Variants in PCDH15 observed in about 807,000 individuals in gnomAD.
PCDH15 encodes protocadherin related 15.
A neutral mutation model predicts 178.5 loss-of-function variants in PCDH15; 129 were observed. The observed-to-expected ratio is 0.72, with a 90% CI of 0.63 to 0.84. PCDH15 has a LOEUF of 0.84. Ranked by LOEUF, PCDH15 falls within the 40% of genes least tolerant of loss-of-function variation. PCDH15 has a pLI of 0.00. For missense variants in PCDH15, 2,230 were observed against 2,099.9 expected (o/e 1.06, Z -1.21); for synonymous variants, 800 against 732.0 (o/e 1.09, Z -1.50).
intron 1 of PCDH15, among the ~76,000 whole-genome samples, chr10:55,273,653 TC>T (rs1842508011): frequency 6.6e-6 from 1 of 152,076 alleles, no homozygotes; most frequent in South Asian, 2.1e-4. Flanking sequence ...GCTTGGGACA[TC>T]TACTCACTAT....
intron 2 of PCDH15, among the ~76,000 whole-genome samples, chr10:54,994,869 T>TAATTTATC (rs1312308636): frequency 6.6e-6 from 1 of 152,144 alleles, no homozygotes; most frequent in Non-Finnish European, 1.5e-5. Flanking sequence ...TTTCTACAGA[T>TAATTTATC]TATATGTGAT....
rs1341449470 is a variant in PCDH15, at chr10:55,072,814, A to G, written c.-80+93762T>C. 5.3e-5 allele frequency among the ~76,000 whole-genome samples: 8 copies of G among 151,982 alleles called. No homozygotes were observed. The East Asian group carries it at 1.6e-3, about 30-fold the overall frequency. Reference sequence around the variant, plus strand: ...CAACCAAAAAAGACAATTTTAGACCAATATCCTTGATGAACATTGATGCAA... The same window carrying G: ...CAACCAAAAAAGACAATTTTAGACCGATATCCTTGATGAACATTGATGCAA... On this transcript the variant is annotated intron_variant, in intron 2 of 5. Coordinates refer to the PCDH15 transcript ENST00000458638.
chr10:54,163,076 C>A (rs1564570753), intron 13 of PCDH15, among the ~76,000 whole-genome samples: 1 of 152,006 alleles, frequency 6.6e-6, no homozygotes, highest in Non-Finnish European at 1.5e-5. Context: ...TTCTCAAGGG[C>A]AATTATAAGG....
intron 3 of PCDH15, among the ~76,000 whole-genome samples, chr10:54,860,558 G>A (rs1953821419): frequency 6.6e-6 from 1 of 152,054 alleles, no homozygotes. Flanking sequence ...ACCTCTGATG[G>A]GCACCTGGAT....
intron 18 of PCDH15, among the ~76,000 whole-genome samples, chr10:54,031,617 G>A (rs76470181): frequency 0.027 from 4,156 of 152,052 alleles, 196 homozygotes; most frequent in African/African-American, 0.096. Flanking sequence ...GTTATTTAAC[G>A]CAAATGAACT....
intron 1 of PCDH15, among the ~76,000 whole-genome samples, chr10:55,190,208 C>G (rs1839909182): frequency 6.6e-6 from 1 of 151,256 alleles, no homozygotes; most frequent in South Asian, 2.1e-4. Context: ...TAATTTATGG[C>G]AATGACAGTC....
chr10:55,503,675 G>T (rs978401238), intron 2 of PCDH15, among the ~76,000 whole-genome samples: 22 of 151,232 alleles, frequency 1.5e-4, no homozygotes, highest in Admixed American at 1.4e-3. Flanking sequence ...CATATGAAAA[G>T]GTGCTCCATA....
chr10:55,135,574 C>CTTTTTTTTTTT (rs56956557), intron 2 of PCDH15, among the ~76,000 whole-genome samples: 8 of 68,234 alleles, frequency 1.2e-4, no homozygotes, highest in African/African-American at 3.9e-4. Flanking sequence ...TCTTTTCTTT[C>CTTTTTTTTTTT]TTTTTTTTTT....
intron 2 of PCDH15, among the ~76,000 whole-genome samples, chr10:55,102,912 G>T: frequency 6.6e-6 from 1 of 152,060 alleles, no homozygotes; most frequent in East Asian, 1.9e-4. Context: ...TTAATTAAGT[G>T]AAACTAGATC....
intron 13 of PCDH15, among the ~76,000 whole-genome samples, chr10:54,163,017 C>G (rs1027652670): frequency 6.7e-6 from 1 of 150,038 alleles, no homozygotes; most frequent in Non-Finnish European, 1.5e-5. Flanking sequence ...AGAAGGTGAA[C>G]AGTAAAGTTA....
intron 5 of PCDH15, among the ~76,000 whole-genome samples, chr10:54,367,225 T>A (rs1946942543): frequency 6.6e-6 from 1 of 152,058 alleles, no homozygotes; most frequent in South Asian, 2.1e-4. Context: ...TTTGAGAATG[T>A]TCAGAATACA....
intron 2 of PCDH15, among the ~76,000 whole-genome samples, chr10:54,556,716 C>T (rs1452623608): frequency 1.4e-5 from 2 of 147,696 alleles, no homozygotes; most frequent in East Asian, 4.0e-4. Context: ...AGAATGGCCA[C>T]TCCATAGAGA....
intron 1 of PCDH15, among the ~76,000 whole-genome samples, chr10:55,271,893 A>G (rs971176020): frequency 7.2e-5 from 11 of 152,158 alleles, no homozygotes; most frequent in Non-Finnish European, 1.2e-4. Flanking sequence ...TGAACTAAGC[A>G]TCTCTTATAA....
intron 23 of PCDH15, among the ~76,000 whole-genome samples, chr10:53,951,073 C>G (rs549207082): frequency 1.9e-4 from 29 of 152,230 alleles, no homozygotes; most frequent in Middle Eastern, 3.4e-3. Context: ...ACTAAATGAT[C>G]TCTATAGTCT....
intron 15 of PCDH15, among the ~76,000 whole-genome samples, chr10:54,108,235 T>C (rs528457413): frequency 3.3e-5 from 5 of 152,148 alleles, no homozygotes; most frequent in Admixed American, 6.5e-5. Flanking sequence ...CTGATGAGGA[T>C]AGGAAAGAAA....
intron 27 of PCDH15, among the ~76,000 whole-genome samples, chr10:53,861,858 G>A (rs955576774): frequency 6.6e-6 from 1 of 151,940 alleles, no homozygotes; most frequent in South Asian, 2.1e-4. Context: ...ATCATCTCCT[G>A]CTTGAACTGT....
intron 2 of PCDH15, among the ~76,000 whole-genome samples, chr10:55,611,114 T>G (rs1484120421): frequency 6.6e-6 from 1 of 152,092 alleles, no homozygotes; most frequent in Admixed American, 6.6e-5. Context: ...GACATTGGTT[T>G]GGGCGATGAT....
intron 2 of PCDH15, among the ~76,000 whole-genome samples, chr10:55,102,514 C>G (rs1842596937): frequency 6.6e-6 from 1 of 151,964 alleles, no homozygotes; most frequent in African/African-American, 2.4e-5. Context: ...TAAAATAGAA[C>G]AATTATAAAA....
At chr10:54,245,465 A>G (rs1311027557) in intron 8 of PCDH15, among the ~76,000 whole-genome samples, 2 of 152,146 alleles carry the variant, frequency 1.3e-5, no homozygotes, top group Non-Finnish European at 2.9e-5. Flanking sequence ...TTACCAAATA[A>G]AGCTTTGGAA....
Sources: gnomAD v4.1 joint callset for allele counts (sites outside exome capture counted in the v4.1 genomes callset) on GRCh38, gnomAD v4.1.1 for gene constraint, MANE v1.5 for transcripts, NCBI Gene and HGNC (gene_info 2026-07-23, HGNC 2026-07-21) for gene names.